LHFPL6: variants seen among roughly 807,000 people sequenced by gnomAD.
LHFPL6 encodes the protein LHFPL tetraspan subfamily member 6, also known as LHFPL tetraspan subfamily member 6 protein.
LHFPL6 carries 9 observed loss-of-function variants against 20.6 expected under a neutral mutation model. The ratio of observed to expected loss-of-function variants is 0.44; its 90% CI spans 0.26 to 0.76. LHFPL6 has a LOEUF of 0.76. Among genes scored for constraint, LHFPL6 ranks in the 30% least tolerant of loss-of-function variants. LHFPL6 has a pLI of 0.20. For synonymous variants in LHFPL6, 105 were observed against 98.7 expected, an observed-to-expected ratio of 1.06 and a Z score of -0.38; for missense variants, 218 against 253.5, an observed-to-expected ratio of 0.86 and a Z score of 0.95.
At chr13:39,568,934 A>G (rs1019733900) in intron 2 of LHFPL6, among the ~76,000 whole-genome samples, 14 of 152,228 alleles carry the variant, frequency 9.2e-5, no homozygotes, top group African/African-American at 3.4e-4. Flanking sequence ...TCAATCATCC[A>G]TCCTTCAACC....
chr13:39,410,105 C>G (rs1871212948), intron 2 of LHFPL6, among the ~76,000 whole-genome samples: 1 of 152,194 alleles, frequency 6.6e-6, no homozygotes, highest in South Asian at 2.1e-4. Flanking sequence ...TTAAAATTGT[C>G]TACCTACCTT....
At chr13:39,461,034 G>A (rs1238060647) in intron 2 of LHFPL6, among the ~76,000 whole-genome samples, 4 of 152,080 alleles carry the variant, frequency 2.6e-5, no homozygotes, top group African/African-American at 9.7e-5. Context: ...TCCCCTCTTT[G>A]TGTCCATGTT....
chr13:39,576,018 T>A (rs1872102431), intron 2 of LHFPL6, among the ~76,000 whole-genome samples: 1 of 152,226 alleles, frequency 6.6e-6, no homozygotes, highest in Non-Finnish European at 1.5e-5. Flanking sequence ...TCTGCTTTAT[T>A]ACAATTCAAT....
intron 2 of LHFPL6, among the ~76,000 whole-genome samples, chr13:39,564,074 G>GA (rs1871635613): frequency 6.6e-6 from 1 of 152,074 alleles, no homozygotes; most frequent in African/African-American, 2.4e-5. Flanking sequence ...TCCCACCATC[G>GA]AGAGTCATTA....
At chr13:39,446,023 T>G (rs1279709792) in intron 2 of LHFPL6, among the ~76,000 whole-genome samples, 1 of 152,234 alleles carries the variant, frequency 6.6e-6, no homozygotes, top group African/African-American at 2.4e-5. Flanking sequence ...TTTTTATTGA[T>G]CTTATTTATA....
chr13:39,493,306 T>C (rs200091534), intron 2 of LHFPL6, among the ~76,000 whole-genome samples: 3 of 118,290 alleles, frequency 2.5e-5, no homozygotes, highest in African/African-American at 9.9e-5. Context: ...CCATCTCTAC[T>C]AAAAAAAAAA....
intron 2 of LHFPL6, among the ~76,000 whole-genome samples, chr13:39,472,664 A>C (rs866911679): frequency 9.9e-5 from 15 of 151,988 alleles, no homozygotes; most frequent in African/African-American, 3.4e-4. Flanking sequence ...GCTGGAGTGC[A>C]ATGATGCAAT....
At chr13:39,567,081 G>A (rs1043784960) in intron 2 of LHFPL6, among the ~76,000 whole-genome samples, 4 of 146,906 alleles carry the variant, frequency 2.7e-5, no homozygotes, top group East Asian at 2.0e-4. Flanking sequence ...ATCAAACAAC[G>A]TTACAATTAT....
intron 2 of LHFPL6, among the ~76,000 whole-genome samples, chr13:39,486,004 T>G (rs886584200): frequency 6.6e-6 from 1 of 152,116 alleles, no homozygotes; most frequent in African/African-American, 2.4e-5. Context: ...TGAGAAGGAA[T>G]CCAAGGCTCA....
intron 2 of LHFPL6, among the ~76,000 whole-genome samples, chr13:39,417,010 G>A (rs1322864281): frequency 2.6e-5 from 4 of 152,150 alleles, no homozygotes; most frequent in Admixed American, 6.5e-5. Flanking sequence ...CTAGCCTGCC[G>A]ATACATTTAG....
chr13:39,544,229 G>A (rs773666653), intron 2 of LHFPL6, among the ~76,000 whole-genome samples: 65 of 152,276 alleles, frequency 4.3e-4, no homozygotes, highest in East Asian at 1.5e-3. Flanking sequence ...GTCTGGGCTC[G>A]TTCACTGAGG....
At chr13:39,430,197 G>T (rs1241283294) in intron 2 of LHFPL6, among the ~76,000 whole-genome samples, 1 of 152,194 alleles carries the variant, frequency 6.6e-6, no homozygotes, top group Non-Finnish European at 1.5e-5. Context: ...CCACTGCTGA[G>T]AATGTTAATG....
At chr13:39,455,376 G>A (rs1872546331) in intron 2 of LHFPL6, among the ~76,000 whole-genome samples, 2 of 152,024 alleles carry the variant, frequency 1.3e-5, no homozygotes, top group South Asian at 2.1e-4. Flanking sequence ...CTGAAATAAC[G>A]GAATATAAAG....
chr13:39,521,371 C>T (rs751452728), intron 2 of LHFPL6, among the ~76,000 whole-genome samples: 68 of 152,158 alleles, frequency 4.5e-4, no homozygotes, highest in Non-Finnish European at 7.8e-4. Flanking sequence ...TTATATATAA[C>T]CAAGTTCTAC....
At chr13:39,412,753 T>C (rs576318864) in intron 2 of LHFPL6, among the ~76,000 whole-genome samples, 24 of 152,230 alleles carry the variant, frequency 1.6e-4, no homozygotes, top group African/African-American at 5.8e-4. Context: ...TGAAACCCTG[T>C]CCCTACTAAA....
At chr13:39,552,838 T>A (rs935639709) in intron 2 of LHFPL6, among the ~76,000 whole-genome samples, 1 of 152,120 alleles carries the variant, frequency 6.6e-6, no homozygotes, top group African/African-American at 2.4e-5. Flanking sequence ...GGGTGCCTTT[T>A]TGGAGGTGGT....
At chr13:39,562,377 T>A (rs71423198) in intron 2 of LHFPL6, among the ~76,000 whole-genome samples, 8 of 121,228 alleles carry the variant, frequency 6.6e-5, no homozygotes, top group Non-Finnish European at 1.0e-4. Flanking sequence ...CATATATACA[T>A]ATATACATAT....
At chr13:39,521,639 C>T (rs1320100581) in intron 2 of LHFPL6, among the ~76,000 whole-genome samples, 2 of 151,908 alleles carry the variant, frequency 1.3e-5, no homozygotes, top group Non-Finnish European at 2.9e-5. Flanking sequence ...TTATTAACCA[C>T]ACCTACAGAG....
rs1443755155 is a variant in LHFPL6, at chr13:39,352,944, T to C, written c.485-8890A>G. On this transcript the variant is annotated intron_variant, in intron 3 of 3. Transcript: ENST00000379589. ...ATATAAATGTATATATATGTGTGTA[T>C]ATATATATACATACATACACACACA... 3.7e-3 allele frequency among the ~76,000 whole-genome samples: 409 copies of C among 109,550 alleles called. 7 individuals are homozygous for C. Among genetic ancestry groups the C allele is most frequent in the African/African-American group, 7.9e-3 (200 of 25,208 alleles). The allele number at this position is 109,550 out of a possible 152,430, so 71.9% of individuals were successfully genotyped here.
Sources: allele counts gnomAD v4.1 joint callset (sites outside exome capture counted in the v4.1 genomes callset), GRCh38; gene constraint gnomAD v4.1.1; transcripts MANE v1.5; gene names NCBI Gene and HGNC (gene_info 2026-07-23, HGNC 2026-07-21).